POLI: variants seen among roughly 807,000 people sequenced by gnomAD.
The protein encoded by POLI is RAD30 homolog B.
In POLI, 58 loss-of-function variants were observed where a neutral mutation model predicts 51.6. That is an observed-to-expected ratio of 1.12 (90% CI 0.91 to 1.40). POLI has a LOEUF of 1.40. Among genes scored for constraint, POLI ranks in the 40% most tolerant of loss-of-function variants. POLI has a pLI of 0.00. For synonymous variants in POLI, 322 were observed against 299.7 expected, an observed-to-expected ratio of 1.07 and a Z score of -0.77; for missense variants, 921 against 871.3, an observed-to-expected ratio of 1.06 and a Z score of -0.72.
chr18:54,277,794 G>A lies in POLI; in HGVS notation c.498G>A (p.Gln166=). The A allele has an allele frequency of 6.2e-7, 1 of 1,612,714 alleles. No individual in the cohort carries two copies. Among genetic ancestry groups the A allele is most frequent in the Non-Finnish European group, 8.5e-7 (1 of 1,179,016 alleles). Residue 166 remains glutamine, a synonymous_variant, in exon 4 of 10, where the codon CAG becomes CAA. Coordinates refer to ENST00000579534, the MANE Select transcript of POLI (RefSeq NM_007195.3). ...CAGAAATGGTTGAGAAGAGACTACA[G>A]CAGCTGCAAAGTGATGAACTTTCTG... The part of the protein sequence containing the change: ...DLTEMVEKRL[Q]QLQSDELSAV...
intron 7 of POLI, among the ~76,000 whole-genome samples, chr18:54,285,519 G>GGA (rs1034590626): frequency 1.2e-5 from 1 of 80,314 alleles, no homozygotes; most frequent in African/African-American, 6.0e-5. Flanking sequence ...AAAAATTACA[G>GGA]GAGTGTGTGT....
Position 54,294,456 on chromosome 18 carries a change from G to A in POLI, c.2212G>A (p.Gly738Arg). 1.3e-6 allele frequency: 2 copies of A among 1,589,670 alleles called. No homozygotes were observed. Among genetic ancestry groups the A allele is most frequent in the Non-Finnish European group, 1.7e-6 (2 of 1,170,138 alleles). ...GAGAGCAGGATCAGATTTCCACATT[G>A]GACATAAATAAGCATATTCAGCAAA... ...WKRAGSDFHIGHK is the reference protein window; with the variant it reads ...WKRAGSDFHIRHK Residue 738 changes from glycine (G) to arginine (R), a missense_variant, in exon 10 of 10, where the codon GGA (glycine) becomes AGA (arginine). Coordinates refer to ENST00000579534, the MANE Select transcript of POLI (RefSeq NM_007195.3).
chr18:54,281,141 T>C (rs1262003424), intron 5 of POLI, among the ~76,000 whole-genome samples: 1 of 152,172 alleles, frequency 6.6e-6, no homozygotes, highest in Non-Finnish European at 1.5e-5. Flanking sequence ...TACTTTTGTA[T>C]GGTTAGAATA....
At position 54,296,457 on chromosome 18, in the gene POLI, C is replaced by T. The variant is rs62091229; in HGVS notation, c.*1990C>T. ...TATCTCTTTTTTCTTTGGTGCTTTG[C>T]AGGTTTACTGTATTATTTGGAAGTG... On this transcript the variant is annotated 3_prime_UTR_variant, in exon 10 of 10. Coordinates refer to ENST00000579534, the MANE Select transcript of POLI (RefSeq NM_007195.3). 1.4e-6 allele frequency: 1 copy of T among 726,364 alleles called. No homozygotes were observed. The highest frequency in any genetic ancestry group is 1.7e-6 in the Non-Finnish European group (1 of 593,664). The allele number at this position is 726,364 out of a possible 1,614,324, so 45.0% of individuals were successfully genotyped here. A position where few individuals can be genotyped will look rare whatever the true frequency, so the allele number is the denominator to read the frequency against.
intron 3 of POLI, among the ~76,000 whole-genome samples, chr18:54,313,311 G>A (rs888894353): frequency 1.4e-4 from 21 of 152,178 alleles, no homozygotes; most frequent in Non-Finnish European, 2.9e-4. Flanking sequence ...TGGTGTATAT[G>A]TCTGTTTTTT....
rs2088319942 is a variant in POLI at position 54,296,257 on chromosome 18, G to A, written c.*1790G>A. 1 of 985,230 alleles carries A rather than the reference G, an allele frequency of 1.0e-6. No individual in the cohort carries two copies. Among genetic ancestry groups the A allele is most frequent in the African/African-American group, 1.7e-5 (1 of 57,206 alleles). The allele number at this position is 985,230 out of a possible 1,614,324, so 61.0% of individuals were successfully genotyped here. A position where few individuals can be genotyped will look rare whatever the true frequency, so the allele number is the denominator to read the frequency against. On this transcript the variant is annotated 3_prime_UTR_variant, in exon 10 of 10. Transcript: ENST00000579534. ...AATGGCTAAGAAAACAAAGTAAATG[G>A]TTTTGGCCAGCTTAAAAAGAGAAAG... is the stretch of plus-strand genomic sequence containing the variant.
intron 3 of POLI, among the ~76,000 whole-genome samples, chr18:54,308,451 G>A (rs977063368): frequency 1.4e-4 from 22 of 152,154 alleles, no homozygotes; most frequent in African/African-American, 4.3e-4. Context: ...CGAGCGATCC[G>A]CTGTTAGTCT....
chr18:54,272,482 T>C (rs909623910), intron 2 of POLI, among the ~76,000 whole-genome samples: 4 of 152,132 alleles, frequency 2.6e-5, no homozygotes, highest in African/African-American at 9.7e-5. Context: ...GTTTTTGTTG[T>C]TGTTGTTGAG....
intron 3 of POLI, among the ~76,000 whole-genome samples, chr18:54,305,926 T>A (rs1355875950): frequency 6.6e-6 from 1 of 151,952 alleles, no homozygotes; most frequent in Non-Finnish European, 1.5e-5. Context: ...GCCTGGCTAA[T>A]TTTTTGTATT....
At chr18:54,291,146 T>C (rs1442255548) in intron 8 of POLI, among the ~76,000 whole-genome samples, 1 of 152,186 alleles carries the variant, frequency 6.6e-6, no homozygotes, top group Non-Finnish European at 1.5e-5. Flanking sequence ...CAACTAGGGT[T>C]GTACGGGGAG....
chr18:54,293,526 A>G (rs2088125424), intron 9 of POLI, 123 bp from the exon 10 acceptor site: 2 of 656,446 alleles, frequency 3.0e-6, no homozygotes, highest in South Asian at 4.5e-5. Context: ...AACTGGCCAC[A>G]AAGAGTTGTA....
In POLI at chr18:54,296,136, T is replaced by G. The variant is rs961998532; in HGVS notation, c.*1669T>G. The stretch of plus-strand genomic sequence containing the variant: ...TATTCCAGTAAGGTAATTAAACTTA[T>G]GAAAAGGGTATATAACTTTTTGTAA... On this transcript the variant is annotated 3_prime_UTR_variant, in exon 10 of 10. Transcript: ENST00000579534. 2.6e-5 allele frequency: 26 copies of G among 982,888 alleles called. No individual in the cohort carries two copies. The South Asian group carries it at 1.1e-3, about 41-fold the overall frequency. The allele number at this position is 982,888 out of a possible 1,614,324, so 60.9% of individuals were successfully genotyped here.
At chr18:54,285,599 TTAATAC>T (rs1293895182) in intron 7 of POLI, among the ~76,000 whole-genome samples, 1 of 151,956 alleles carries the variant, frequency 6.6e-6, no homozygotes, top group Non-Finnish European at 1.5e-5. Flanking sequence ...TATGTTATGA[TTAATAC>T]TATAGGTATG....
intron 6 of POLI, 145 bp downstream of exon 6, chr18:54,283,160 AG>A: frequency 5.7e-6 from 3 of 523,952 alleles, no homozygotes; most frequent in Non-Finnish European, 1.0e-5. Context: ...TATTATTAAT[AG>A]ATTGGATTAA....
rs1178271624 is a variant in POLI, at chr18:54,280,690, C to T, written c.583C>T (p.His195Tyr). 4 of 1,612,322 alleles carry T rather than the reference C, an allele frequency of 2.5e-6. No individual in the cohort carries two copies. The highest frequency in any genetic ancestry group is 1.7e-4 in the Middle Eastern group (1 of 6,054). Residue 195 changes from histidine to tyrosine, a missense_variant, in exon 5 of 10, where the codon CAC becomes TAC. Physicochemically the swap from His to Tyr is moderately conservative, Grantham distance 83. Transcript: ENST00000579534. ...AGCTATAAACCTGCTTGACGTCTTG[C>T]ACATCAGACTACTTGTTGGATCTCA... is the stretch of plus-strand genomic sequence containing the variant. ...NQSINLLDVLHIRLLVGSQIA... is the reference protein window; with the variant it reads ...NQSINLLDVLYIRLLVGSQIA...
In POLI at chr18:54,277,855, T is replaced by C. The variant is rs2087319418; in HGVS notation, c.559T>C (p.Ser187Pro). The change falls in exon 4 of 10, where the codon TCT becomes CCT. Residue 187 changes from serine to proline, a missense_variant and splice_region_variant. Ser to Pro is a moderately conservative substitution (Grantham distance 74, BLOSUM62 -1). Coordinates refer to ENST00000579534, the MANE Select transcript of POLI (RefSeq NM_007195.3). ...TVSGHVYNNQ[S>P]INLLDVLHIR... ...GTCGGGTCATGTATACAATAATCAG[T>C]GTGAGTGGGTTCTTATTCATTCTAC... 1 of 1,604,142 alleles carries C rather than the reference T, an allele frequency of 6.2e-7. No individual in the cohort carries two copies. Among genetic ancestry groups the C allele is most frequent in the Non-Finnish European group, 8.5e-7 (1 of 1,174,730 alleles).
At chr18:54,315,208 T>A (rs977722445) in intron 3 of POLI, among the ~76,000 whole-genome samples, 1 of 152,206 alleles carries the variant, frequency 6.6e-6, no homozygotes, top group Non-Finnish European at 1.5e-5. Flanking sequence ...TGCCTTACTT[T>A]CATTGTTTAC....
At chr18:54,302,619 A>G (rs967013510), downstream of POLI, among the ~76,000 whole-genome samples, 7 of 152,052 alleles carry the variant, frequency 4.6e-5, no homozygotes, top group South Asian at 1.2e-3. Context: ...TGTGTTTACA[A>G]ACAATCAACT....
At chr18:54,302,404 C>G (rs1382104934), downstream of POLI, among the ~76,000 whole-genome samples, 2 of 152,026 alleles carry the variant, frequency 1.3e-5, no homozygotes, top group Non-Finnish European at 2.9e-5. Context: ...GAGTTTTACT[C>G]TTTTACAATT....
Sources: allele counts gnomAD v4.1 joint callset (sites outside exome capture counted in the v4.1 genomes callset), GRCh38; gene constraint gnomAD v4.1.1; transcripts MANE v1.5; gene names NCBI Gene and HGNC (gene_info 2026-07-23, HGNC 2026-07-21).